The following PRR16 variants were observed in gnomAD, a reference collection of about 807,000 sequenced individuals.
The protein encoded by PRR16 is protein Largen.
Under a neutral mutation model 18.2 loss-of-function variants are expected in PRR16, and 6 were observed. The observed-to-expected ratio is 0.33, with a 90% CI of 0.18 to 0.65. PRR16 has a LOEUF of 0.65. PRR16 is among the 30% of genes least tolerant of loss of function. The probability of loss-of-function intolerance (pLI) is 0.74; values close to 1 mark genes in which losing one functional copy is unlikely to be tolerated. For synonymous variants in PRR16, 151 were observed against 147.8 expected (o/e 1.02, Z -0.16); for missense variants, 412 against 376.6 (o/e 1.09, Z -0.78).
intron 1 of PRR16, among the ~76,000 whole-genome samples, chr5:120,675,939 G>A (rs986620688): frequency 6.6e-6 from 1 of 152,072 alleles, no homozygotes; most frequent in Non-Finnish European, 1.5e-5. Context: ...CAGGATGTAA[G>A]TTGCCACTTA....
chr5:120,492,533 C>T (rs1015844290), intron 1 of PRR16, among the ~76,000 whole-genome samples: 2 of 151,938 alleles, frequency 1.3e-5, no homozygotes, highest in South Asian at 2.1e-4. Flanking sequence ...GTGTTATAGA[C>T]CACTCTTTTA....
intron 1 of PRR16, among the ~76,000 whole-genome samples, chr5:120,565,473 C>A (rs369387013): frequency 3.3e-5 from 5 of 152,288 alleles, no homozygotes; most frequent in African/African-American, 9.6e-5. Flanking sequence ...CCTAAATGTG[C>A]AGAAGACATT....
intron 1 of PRR16, among the ~76,000 whole-genome samples, chr5:120,656,753 G>C (rs1472755891): frequency 6.6e-6 from 1 of 151,902 alleles, no homozygotes; most frequent in African/African-American, 2.4e-5. Flanking sequence ...TCATACATAA[G>C]TGATATATTT....
chr5:120,613,974 A>G (rs1011437720), intron 1 of PRR16, among the ~76,000 whole-genome samples: 2 of 152,196 alleles, frequency 1.3e-5, no homozygotes, highest in Non-Finnish European at 2.9e-5. Context: ...AGTCAGTTGG[A>G]TAATGATTAG....
chr5:120,699,595 T>C, the PRR16 span, among the ~76,000 whole-genome samples: 2 of 152,080 alleles, frequency 1.3e-5, no homozygotes, highest in Non-Finnish European at 1.5e-5. Flanking sequence ...ATTTTGGAAG[T>C]TATGAGAACT....
intron 1 of PRR16, among the ~76,000 whole-genome samples, chr5:120,593,659 C>G (rs1561563527): frequency 6.6e-6 from 1 of 152,006 alleles, no homozygotes; most frequent in African/African-American, 2.4e-5. Flanking sequence ...TCCATGAGGC[C>G]AGCACCATCC....
intron 1 of PRR16, among the ~76,000 whole-genome samples, chr5:120,612,264 G>A (rs1389177561): frequency 6.6e-6 from 1 of 152,312 alleles, no homozygotes; most frequent in East Asian, 1.9e-4. Context: ...ACTTGGAACT[G>A]TGGACTTTTG....
At chr5:120,481,473 T>G (rs1431388154) in intron 1 of PRR16, among the ~76,000 whole-genome samples, 1 of 152,126 alleles carries the variant, frequency 6.6e-6, no homozygotes, top group African/African-American at 2.4e-5. Flanking sequence ...CCATGATTAG[T>G]ATAGGAAAGG....
chr5:120,520,922 A>G (rs2112651649), intron 1 of PRR16, among the ~76,000 whole-genome samples: 1 of 151,822 alleles, frequency 6.6e-6, no homozygotes, highest in African/African-American at 2.4e-5. Flanking sequence ...TATACACAGC[A>G]TCATAGGTCA....
intron 1 of PRR16, among the ~76,000 whole-genome samples, chr5:120,624,171 G>C (rs1754785580): frequency 6.6e-6 from 1 of 152,090 alleles, no homozygotes; most frequent in Non-Finnish European, 1.5e-5. Context: ...TTATGGTCAG[G>C]TTAGGGATCC....
intron 1 of PRR16, among the ~76,000 whole-genome samples, chr5:120,482,865 T>C (rs900222855): frequency 2.6e-5 from 4 of 152,154 alleles, no homozygotes; most frequent in Admixed American, 2.0e-4. Context: ...CATTTTAAAT[T>C]TTTTCTTGGC....
At chr5:120,564,378 C>T (rs1170043865) in intron 1 of PRR16, among the ~76,000 whole-genome samples, 1 of 152,084 alleles carries the variant, frequency 6.6e-6, no homozygotes. Flanking sequence ...ACCTAGCACC[C>T]CAGAACACTC....
intron 1 of PRR16, among the ~76,000 whole-genome samples, chr5:120,598,673 T>C (rs980789099): frequency 2.0e-5 from 3 of 152,012 alleles, no homozygotes; most frequent in Non-Finnish European, 4.4e-5. Flanking sequence ...AGGGAGAATA[T>C]GTATGGAGTA....
chr5:120,764,011 T>A, the PRR16 span, among the ~76,000 whole-genome samples: 4 of 152,140 alleles, frequency 2.6e-5, no homozygotes, highest in South Asian at 8.3e-4. Flanking sequence ...GTAAAGAGGG[T>A]CAGTTTGGCT....
At chr5:120,753,113 C>T in the PRR16 span, among the ~76,000 whole-genome samples, 1 of 151,856 alleles carries the variant, frequency 6.6e-6, no homozygotes, top group African/African-American at 2.4e-5. Flanking sequence ...AATGAGTGAG[C>T]ATTTGTAAAA....
At chr5:120,553,544 A>T (rs1449653447) in intron 1 of PRR16, among the ~76,000 whole-genome samples, 1 of 151,968 alleles carries the variant, frequency 6.6e-6, no homozygotes, top group Non-Finnish European at 1.5e-5. Flanking sequence ...TCATTAGATC[A>T]TTATAATCTT....
chr5:120,775,684 G>T, the PRR16 span, among the ~76,000 whole-genome samples: 1 of 146,420 alleles, frequency 6.8e-6, no homozygotes, highest in South Asian at 2.1e-4. Flanking sequence ...AGGCTGGAGT[G>T]CAATGGCACA....
chr5:120,577,659 TAAC>T (rs1471640139), intron 1 of PRR16, among the ~76,000 whole-genome samples: 1 of 152,192 alleles, frequency 6.6e-6, no homozygotes, highest in East Asian at 1.9e-4. Context: ...CTTCTTCTAT[TAAC>T]AAGACTGTAT....
chr5:120,757,561 A>G, the PRR16 span, among the ~76,000 whole-genome samples: 4 of 152,000 alleles, frequency 2.6e-5, no homozygotes, highest in African/African-American at 9.7e-5. Flanking sequence ...AAAGAAAAAT[A>G]ATGTGGTGTT....
Sources: gnomAD v4.1 joint callset for allele counts (sites outside exome capture counted in the v4.1 genomes callset) on GRCh38, gnomAD v4.1.1 for gene constraint, MANE v1.5 for transcripts, NCBI Gene and HGNC (gene_info 2026-07-23, HGNC 2026-07-21) for gene names.